Variants in SDK1 observed in about 807,000 individuals in gnomAD.
The protein encoded by SDK1 is protein sidekick-1.
A neutral mutation model predicts 245.5 loss-of-function variants in SDK1; 157 were observed. That is an observed-to-expected ratio of 0.64 (90% CI 0.56 to 0.73). The LOEUF is 0.73. Among genes scored for constraint, SDK1 ranks in the 30% least tolerant of loss-of-function variants. SDK1 has a pLI of 0.00. For synonymous variants in SDK1, 1,647 were observed against 1,278.5 expected, an observed-to-expected ratio of 1.29 and a Z score of -6.15; for missense variants, 3,583 against 3,002.3, an observed-to-expected ratio of 1.19 and a Z score of -4.52.
intron 1 of SDK1, among the ~76,000 whole-genome samples, chr7:3,375,810 G>T: frequency 6.6e-6 from 1 of 152,184 alleles, no homozygotes; most frequent in African/African-American, 2.4e-5. Flanking sequence ...GCAACCTCAT[G>T]TGGATACAGC....
rs115899317 is a variant in SDK1, at chr7:4,136,464, A to G, written c.4228+4041A>G. On this transcript the variant is annotated intron_variant, in intron 28 of 44. Coordinates refer to ENST00000404826, the MANE Select transcript of SDK1 (RefSeq NM_152744.4). ...TCTGCCGCCCGAGCTTTTGTAATCTATATCAAAACATGTTCTTGCATTTCC... is the reference window on the plus strand; with the variant it reads ...TCTGCCGCCCGAGCTTTTGTAATCTGTATCAAAACATGTTCTTGCATTTCC... 4.6e-3 allele frequency among the ~76,000 whole-genome samples: 701 copies of G among 152,322 alleles called. 2 individuals are homozygous for G. The highest frequency in any genetic ancestry group is 0.016 in the African/African-American group (651 of 41,566).
At chr7:3,606,034 T>C (rs1781413804) in intron 1 of SDK1, among the ~76,000 whole-genome samples, 1 of 152,226 alleles carries the variant, frequency 6.6e-6, no homozygotes, top group African/African-American at 2.4e-5. Flanking sequence ...ATACACTTCA[T>C]GAATCTAACT....
chr7:3,460,456 G>T (rs754724321), intron 1 of SDK1, among the ~76,000 whole-genome samples: 3 of 152,102 alleles, frequency 2.0e-5, no homozygotes, highest in Non-Finnish European at 4.4e-5. Context: ...CAACTCAAAA[G>T]ATTTTATAAC....
At chr7:4,061,070 T>A (rs961779822) in intron 19 of SDK1, among the ~76,000 whole-genome samples, 7 of 152,238 alleles carry the variant, frequency 4.6e-5, no homozygotes, top group African/African-American at 1.7e-4. Context: ...TGAAGTCAGG[T>A]AGCGTGATGC....
intron 4 of SDK1, among the ~76,000 whole-genome samples, chr7:3,680,159 C>T (rs1239106783): frequency 6.6e-6 from 1 of 152,150 alleles, no homozygotes; most frequent in Non-Finnish European, 1.5e-5. Flanking sequence ...ATCTCAGGGG[C>T]ATCATGCTTA....
At position 3,301,942 on chromosome 7, in the gene SDK1, C is replaced by T. The variant is rs1002091989; in HGVS notation, c.298+58C>T. 6 of 1,079,120 alleles carry T rather than the reference C, an allele frequency of 5.6e-6. No individual in the cohort carries two copies. The African/African-American group carries it at 1.0e-4, about 18-fold the overall frequency. 66.8% of individuals were successfully genotyped at this position (1,079,120 alleles called of 1,614,324 possible). On this transcript the variant is annotated intron_variant, in intron 1 of 44. Transcript: ENST00000404826. ...TCGCCTCGGGGCGCGGAGGCGCGAACTTGAGCAGCGAGAGTGTGTCCGGGG... is the reference window on the plus strand; with the variant it reads ...TCGCCTCGGGGCGCGGAGGCGCGAATTTGAGCAGCGAGAGTGTGTCCGGGG...
At chr7:3,451,088 T>C (rs547999375) in intron 1 of SDK1, among the ~76,000 whole-genome samples, 2 of 152,142 alleles carry the variant, frequency 1.3e-5, no homozygotes, top group East Asian at 3.9e-4. Flanking sequence ...GAGAGGAGTT[T>C]ATAGGTTGGC....
intron 1 of SDK1, among the ~76,000 whole-genome samples, chr7:3,470,128 A>G (rs1781134392): frequency 6.6e-6 from 1 of 152,174 alleles, no homozygotes; most frequent in Non-Finnish European, 1.5e-5. Flanking sequence ...GCTTAGCATC[A>G]CAGGAAGAAT....
intron 5 of SDK1, among the ~76,000 whole-genome samples, chr7:3,824,840 G>A (rs1562471548): frequency 6.6e-6 from 1 of 152,152 alleles, no homozygotes; most frequent in African/African-American, 2.4e-5. Context: ...GGTACCGCCT[G>A]CTGTTTAGTG....
intron 1 of SDK1, among the ~76,000 whole-genome samples, chr7:3,598,007 G>GT (rs1233485335): frequency 1.4e-4 from 21 of 152,112 alleles, no homozygotes; most frequent in Non-Finnish European, 2.9e-5. Flanking sequence ...ATGATAAATT[G>GT]TAAAGCCTTT....
intron 19 of SDK1, among the ~76,000 whole-genome samples, chr7:4,062,921 A>C (rs1779629942): frequency 6.6e-6 from 1 of 152,178 alleles, no homozygotes; most frequent in Admixed American, 6.5e-5. Flanking sequence ...TATAATAAAA[A>C]CTCTCAACAA....
At chr7:3,400,071 G>T (rs1333265367) in intron 1 of SDK1, among the ~76,000 whole-genome samples, 1 of 152,114 alleles carries the variant, frequency 6.6e-6, no homozygotes, top group East Asian at 1.9e-4. Context: ...GACAGTGACA[G>T]TGCTCCAGAG....
chr7:3,461,770 G>A (rs979217498), intron 1 of SDK1, among the ~76,000 whole-genome samples: 2 of 152,140 alleles, frequency 1.3e-5, no homozygotes, highest in Non-Finnish European at 2.9e-5. Flanking sequence ...AGAAATGACT[G>A]ACCTGCATTT....
At chr7:3,693,298 A>C (rs527632792) in intron 4 of SDK1, among the ~76,000 whole-genome samples, 1 of 152,182 alleles carries the variant, frequency 6.6e-6, no homozygotes, top group African/African-American at 2.4e-5. Flanking sequence ...AAATGTCGTA[A>C]TATTCATTAT....
intron 1 of SDK1, among the ~76,000 whole-genome samples, chr7:3,617,232 A>G (rs1781799332): frequency 6.6e-6 from 1 of 152,250 alleles, no homozygotes; most frequent in African/African-American, 2.4e-5. Flanking sequence ...ATATTTATTC[A>G]TTCAACAGAT....
chr7:3,347,251 T>C (rs7784497), intron 1 of SDK1, among the ~76,000 whole-genome samples: 35,521 of 151,906 alleles, frequency 0.23, 4,623 homozygotes, highest in East Asian at 0.38. Context: ...AGCAATTTTG[T>C]AGTACTCTGA....
intron 1 of SDK1, among the ~76,000 whole-genome samples, chr7:3,562,199 A>G (rs1298745774): frequency 6.6e-6 from 1 of 152,126 alleles, no homozygotes; most frequent in Non-Finnish European, 1.5e-5. Context: ...TGCAAGACAG[A>G]CTCTTATCTC....
chr7:3,803,262 CTTG>C (rs1351134807), intron 4 of SDK1, among the ~76,000 whole-genome samples: 3 of 151,488 alleles, frequency 2.0e-5, no homozygotes, highest in Admixed American at 6.6e-5. Flanking sequence ...TCAAATGCTT[CTTG>C]TTGTACTCTG....
In SDK1 at chr7:4,010,974, T is replaced by C; in HGVS notation, c.2140T>C (p.Trp714Arg). The C allele has an allele frequency of 6.2e-7, 1 of 1,614,206 alleles. No homozygotes were observed. The highest frequency in any genetic ancestry group is 8.5e-7 in the Non-Finnish European group (1 of 1,180,020). The change falls in exon 15 of 45, where the codon TGG becomes CGG. Residue 714 changes from tryptophan to arginine, a missense_variant. Coordinates refer to ENST00000404826, the MANE Select transcript of SDK1 (RefSeq NM_152744.4). ...IVELSENNSPWKVHLSNVGPE... is the reference protein window; with the variant it reads ...IVELSENNSPRKVHLSNVGPE... ...TTTCTTCATTCTTTCAGACTCTCCA[T>C]GGAAGGTGCATCTGTCAAACGTTGG... is the stretch of plus-strand genomic sequence containing the variant.
Sources: allele counts gnomAD v4.1 joint callset (sites outside exome capture counted in the v4.1 genomes callset), GRCh38; gene constraint gnomAD v4.1.1; transcripts MANE v1.5; gene names NCBI Gene and HGNC (gene_info 2026-07-23, HGNC 2026-07-21).